The following MBOAT1 variants were observed in gnomAD, a reference collection of about 807,000 sequenced individuals.
MBOAT1 encodes membrane-bound glycerophospholipid O-acyltransferase 1.
A neutral mutation model predicts 64.4 loss-of-function variants in MBOAT1; 67 were observed. The observed-to-expected ratio is 1.04, with a 90% CI of 0.85 to 1.27. The LOEUF (loss-of-function observed/expected upper bound fraction) is 1.27, where lower values mean the gene tolerates loss of function less well. MBOAT1 is among the 50% of genes most tolerant of loss of function. The probability of loss-of-function intolerance (pLI) is 0.00; values close to 1 mark genes in which losing one functional copy is unlikely to be tolerated. For missense variants in MBOAT1, 563 were observed against 604.6 expected, an observed-to-expected ratio of 0.93 and a Z score of 0.72; for synonymous variants, 229 against 218.9, an observed-to-expected ratio of 1.05 and a Z score of -0.41.
chr6:20,188,014 G>A (rs1171323766), intron 1 of MBOAT1, among the ~76,000 whole-genome samples: 4 of 152,132 alleles, frequency 2.6e-5, no homozygotes, highest in African/African-American at 9.7e-5. Flanking sequence ...AACTGTAAGA[G>A]AGCACAGGTT....
chr6:20,115,853 T>C (rs1760302636), intron 9 of MBOAT1, among the ~76,000 whole-genome samples: 1 of 152,060 alleles, frequency 6.6e-6, no homozygotes, highest in South Asian at 2.1e-4. Flanking sequence ...CAATTGTTTC[T>C]GGAATAGTAA....
chr6:20,188,165 T>C (rs149979430), intron 1 of MBOAT1, among the ~76,000 whole-genome samples: 75 of 152,310 alleles, frequency 4.9e-4, no homozygotes, highest in African/African-American at 1.7e-3. Context: ...CAAGAAACTG[T>C]AGGCTAAGAA....
intron 1 of MBOAT1, among the ~76,000 whole-genome samples, chr6:20,210,748 T>A (rs62397954): frequency 0.13 from 20,418 of 152,062 alleles, 2,062 homozygotes; most frequent in African/African-American, 0.29. Flanking sequence ...GCCATGGTCC[T>A]TTAGCCATAC....
In MBOAT1 at chr6:20,151,300, T is replaced by C. The variant is rs77759720; in HGVS notation, c.246-38A>G. The C allele has an allele frequency of 1.9e-3, 2,757 of 1,442,976 alleles. 37 individuals carry two copies. The African/African-American group carries it at 0.033, about 17-fold the overall frequency. The allele number at this position is 1,442,976 out of a possible 1,614,324, so 89.4% of individuals were successfully genotyped here. ...ATAGTAGGGGGAGGAGTAATGAATA[T>C]ATTTCATATTAACACAGCTATTGGT... On this transcript the variant is annotated intron_variant, in intron 2 of 12. Transcript: ENST00000324607.
chr6:20,146,923 C>A (rs767743849), intron 3 of MBOAT1, among the ~76,000 whole-genome samples: 23 of 152,160 alleles, frequency 1.5e-4, no homozygotes, highest in Non-Finnish European at 3.1e-4. Flanking sequence ...CCACCGAAAT[C>A]TCATCTTAAA....
chr6:20,120,445 G>C (rs190838203), intron 8 of MBOAT1, among the ~76,000 whole-genome samples: 5 of 152,028 alleles, frequency 3.3e-5, no homozygotes, highest in Non-Finnish European at 5.9e-5. Flanking sequence ...GAAACGTGCG[G>C]ATCACCTGAG....
At chr6:20,178,138 T>C (rs566211676) in intron 1 of MBOAT1, among the ~76,000 whole-genome samples, 18 of 152,316 alleles carry the variant, frequency 1.2e-4, no homozygotes, top group African/African-American at 4.3e-4. Flanking sequence ...CCCTATACAG[T>C]ATACAATTAA....
At position 20,112,963 on chromosome 6, in the gene MBOAT1, G is replaced by A. The variant is rs766768226; in HGVS notation, c.1122C>T (p.Phe374=). 2.6e-5 allele frequency: 42 copies of A among 1,614,162 alleles called. No individual in the cohort carries two copies. The highest frequency in any genetic ancestry group is 3.6e-5 in the Non-Finnish European group (42 of 1,179,998). ...RVPWYPTVLT[F]ILSALWHGVY... is the part of the protein sequence containing the mutation. ...CACCATGCCACAAAGCAGACAGGATGAAGGTTAGCACCGTGGGGTACCATG... is the reference window on the plus strand; with the variant it reads ...CACCATGCCACAAAGCAGACAGGATAAAGGTTAGCACCGTGGGGTACCATG... The change falls in exon 11 of 13, where the codon TTC becomes TTT. Residue 374 remains phenylalanine (F), a synonymous_variant. Transcript: ENST00000324607.
chr6:20,150,555 CT>C (rs1761460059), intron 3 of MBOAT1, among the ~76,000 whole-genome samples: 1 of 146,060 alleles, frequency 6.8e-6, no homozygotes, highest in Non-Finnish European at 1.5e-5. Flanking sequence ...TTTTCTTTTT[CT>C]TTTTCCTTTT....
intron 1 of MBOAT1, among the ~76,000 whole-genome samples, chr6:20,155,217 G>A (rs1315432087): frequency 3.3e-5 from 5 of 152,118 alleles, no homozygotes. Flanking sequence ...CACACTCTTG[G>A]GGCCCACGCT....
intron 1 of MBOAT1, among the ~76,000 whole-genome samples, chr6:20,182,231 G>A (rs1051698564): frequency 6.6e-6 from 1 of 152,164 alleles, no homozygotes; most frequent in Non-Finnish European, 1.5e-5. Flanking sequence ...GGAAGTCCAA[G>A]AGCAAGCAGA....
At chr6:20,140,503 G>A (rs772779614) in intron 4 of MBOAT1, among the ~76,000 whole-genome samples, 74 of 152,314 alleles carry the variant, frequency 4.9e-4, no homozygotes, top group African/African-American at 6.7e-4. Flanking sequence ...TGTGGAAGAC[G>A]ATCATCCAAT....
intron 4 of MBOAT1, among the ~76,000 whole-genome samples, chr6:20,140,660 C>A (rs757311623): frequency 4.1e-4 from 63 of 152,188 alleles, no homozygotes; most frequent in Non-Finnish European, 7.8e-4. Flanking sequence ...AGTTCTCAGG[C>A]CTTCAGCCTC....
At chr6:20,125,695 G>C (rs1054373644) in intron 7 of MBOAT1, among the ~76,000 whole-genome samples, 1 of 152,214 alleles carries the variant, frequency 6.6e-6, no homozygotes, top group East Asian at 1.9e-4. Flanking sequence ...AGATGAACTT[G>C]AGATACTTGA....
chr6:20,126,673 T>C lies in MBOAT1; in HGVS notation c.558A>G (p.Leu186=). 1.9e-6 allele frequency: 3 copies of C among 1,611,738 alleles called. No individual in the cohort carries two copies. Among genetic ancestry groups the C allele is most frequent in the Non-Finnish European group, 2.5e-6 (3 of 1,179,222 alleles). ...CACTCATGAAATTGAGAAGGTAACT[T>C]AAGTATTCCAAAAAAGAGGGTTTCA... ...IKVKPSFLEY[L]SYLLNFMSVI... Residue 186 remains leucine, a synonymous_variant, in exon 7 of 13, where the codon TTA becomes TTG. Transcript: ENST00000324607.
At chr6:20,143,711 G>A (rs762592784) in intron 4 of MBOAT1, among the ~76,000 whole-genome samples, 1 of 152,020 alleles carries the variant, frequency 6.6e-6, no homozygotes, top group Non-Finnish European at 1.5e-5. Context: ...CATGACACAG[G>A]TTTGCCTATG....
intron 1 of MBOAT1, among the ~76,000 whole-genome samples, chr6:20,183,821 C>A (rs1373582521): frequency 6.6e-6 from 1 of 152,216 alleles, no homozygotes; most frequent in Non-Finnish European, 1.5e-5. Flanking sequence ...GACAAAGAGG[C>A]TGAATTGGAC....
intron 1 of MBOAT1, among the ~76,000 whole-genome samples, chr6:20,175,420 A>G (rs1762312343): frequency 6.6e-6 from 1 of 151,130 alleles, no homozygotes; most frequent in Non-Finnish European, 1.5e-5. Context: ...CACTGAACCC[A>G]ATTTGTCCTT....
At chr6:20,212,000 A>ACACG in intron 1 of MBOAT1, 136 bp downstream of exon 1, 1 of 700,306 alleles carries the variant, frequency 1.4e-6, no homozygotes, top group East Asian at 2.7e-5. Flanking sequence ...ACACACACAC[A>ACACG]CACAAAAACC....
Sources: allele counts gnomAD v4.1 joint callset (sites outside exome capture counted in the v4.1 genomes callset), GRCh38; gene constraint gnomAD v4.1.1; transcripts MANE v1.5; gene names NCBI Gene and HGNC (gene_info 2026-07-23, HGNC 2026-07-21).